VWA8: variants seen among roughly 807,000 people sequenced by gnomAD.
VWA8 encodes the protein von Willebrand factor A domain containing 8, also known as von Willebrand factor A domain-containing protein 8.
In VWA8, 221 loss-of-function variants were observed where a neutral mutation model predicts 241.5. That is an observed-to-expected ratio of 0.91 (90% CI 0.82 to 1.02). The LOEUF is 1.02. Among genes scored for constraint, VWA8 ranks in the 50% least tolerant of loss-of-function variants. The pLI, the probability that VWA8 is intolerant of heterozygous loss-of-function variation, is 0.00. For missense variants in VWA8, 2,322 were observed against 2,328.7 expected (o/e 1.00, Z 0.06); for synonymous variants, 852 against 827.1 (o/e 1.03, Z -0.52).
chr13:41,645,068 T>C (rs1030643226), intron 37 of VWA8, among the ~76,000 whole-genome samples: 1 of 152,208 alleles, frequency 6.6e-6, no homozygotes, highest in East Asian at 1.9e-4. Context: ...AACTCTGTCT[T>C]TGACACTTAT....
intron 37 of VWA8, among the ~76,000 whole-genome samples, chr13:41,659,556 G>T (rs915038565): frequency 2.6e-5 from 4 of 152,178 alleles, no homozygotes; most frequent in Admixed American, 6.5e-5. Context: ...AGTGAAAACA[G>T]TGTTCACAAC....
At chr13:41,662,839 T>C (rs1466818961) in intron 37 of VWA8, among the ~76,000 whole-genome samples, 1 of 152,164 alleles carries the variant, frequency 6.6e-6, no homozygotes, top group Non-Finnish European at 1.5e-5. Flanking sequence ...CAGTCTCTTA[T>C]CATTAAAATA....
Position 41,891,447 on chromosome 13 carries a change from A to C in VWA8, c.624T>G (p.Ser208=). ...GGAGAAGTTTGTCGTAACGCTCAGC[A>C]GACATCAGGAAGCGTCCATCTTCAA... ...MQLEDGRFLM[S]AERYDKLLRD... The change falls in exon 5 of 45, where the codon TCT becomes TCG. Residue 208 remains serine, a synonymous_variant. Coordinates refer to ENST00000379310, the MANE Select transcript of VWA8 (RefSeq NM_015058.2). 6.2e-7 allele frequency: 1 copy of C among 1,614,232 alleles called. No individual in the cohort carries two copies. Among genetic ancestry groups the C allele is most frequent in the Non-Finnish European group, 8.5e-7 (1 of 1,180,022 alleles).
At chr13:41,880,427 C>T (rs1874115463) in intron 9 of VWA8, among the ~76,000 whole-genome samples, 1 of 152,194 alleles carries the variant, frequency 6.6e-6, no homozygotes, top group Non-Finnish European at 1.5e-5. Context: ...ATAATCACCA[C>T]ATAAGCCTCC....
At chr13:41,957,444 T>C (rs974540311) in intron 1 of VWA8, among the ~76,000 whole-genome samples, 1 of 152,086 alleles carries the variant, frequency 6.6e-6, no homozygotes, top group Admixed American at 6.5e-5. Flanking sequence ...CATGTCCTTA[T>C]AGCAGTGTGA....
At chr13:41,955,730 T>A (rs1176927268) in intron 1 of VWA8, 1 of 152,202 alleles carries the variant, frequency 6.6e-6, no homozygotes, top group Non-Finnish European at 1.5e-5. Flanking sequence ...GGAGTCCTTA[T>A]GTAATGAATT....
At chr13:41,914,553 T>C (rs951670692) in intron 2 of VWA8, among the ~76,000 whole-genome samples, 3 of 152,222 alleles carry the variant, frequency 2.0e-5, no homozygotes, top group Non-Finnish European at 4.4e-5. Flanking sequence ...AAATAAGAGT[T>C]AAGACACCTT....
At chr13:41,813,028 G>A (rs1870538594) in intron 16 of VWA8, among the ~76,000 whole-genome samples, 1 of 152,138 alleles carries the variant, frequency 6.6e-6, no homozygotes, top group Non-Finnish European at 1.5e-5. Context: ...ACCACAAGTA[G>A]AACATGAGGA....
At chr13:41,898,087 T>C (rs1244685878) in intron 4 of VWA8, among the ~76,000 whole-genome samples, 51 of 144,758 alleles carry the variant, frequency 3.5e-4, no homozygotes, top group Middle Eastern at 4.0e-3. Flanking sequence ...GATTGGTGCA[T>C]TCACAAACCC....
chr13:41,573,216 T>C (rs1455492257), intron 43 of VWA8, among the ~76,000 whole-genome samples: 1 of 151,126 alleles, frequency 6.6e-6, no homozygotes, highest in Non-Finnish European at 1.5e-5. Flanking sequence ...AAGACCAGCC[T>C]GGCCAACATA....
intron 37 of VWA8, among the ~76,000 whole-genome samples, chr13:41,632,003 C>A (rs374858342): frequency 1.1e-3 from 165 of 152,232 alleles, no homozygotes; most frequent in African/African-American, 3.7e-3. Flanking sequence ...TCTATTTTTG[C>A]CTCTTTTAAG....
chr13:41,590,513 T>C (rs1566378842), intron 41 of VWA8, 127 bp downstream of exon 41: 5 of 958,372 alleles, frequency 5.2e-6, no homozygotes, highest in Non-Finnish European at 5.8e-6. Flanking sequence ...TTTTTTTTTT[T>C]AACATAATGC....
intron 37 of VWA8, among the ~76,000 whole-genome samples, chr13:41,666,224 G>A (rs1273073379): frequency 6.6e-6 from 1 of 152,214 alleles, no homozygotes; most frequent in Non-Finnish European, 1.5e-5. Context: ...TCTTACTTCA[G>A]GGCAGATTTT....
chr13:41,868,265 G>A (rs1057012753), intron 10 of VWA8, 81 bp downstream of exon 10: 2 of 1,501,292 alleles, frequency 1.3e-6, no homozygotes, highest in Non-Finnish European at 9.2e-7. Flanking sequence ...AGACTTACAA[G>A]GAGATCATAA....
At position 41,692,914 on chromosome 13, in the gene VWA8, G is replaced by A; in HGVS notation, c.3623C>T (p.Pro1208Leu). ...TTTCTTAGATGTAAACTTCTCGGAA[G>A]GGAGGATGAGACGATGAAGGGCCCG... is the stretch of plus-strand genomic sequence containing the variant. The part of the protein sequence containing the change: ...TGRALHRLIL[P>L]SEKFTSKKPF... The change falls in exon 30 of 45, where the codon CCT becomes CTT. Residue 1208 changes from proline (P) to leucine (L), a missense_variant. Coordinates refer to ENST00000379310, the MANE Select transcript of VWA8 (RefSeq NM_015058.2). 3 of 1,611,674 alleles carry A rather than the reference G, an allele frequency of 1.9e-6. No homozygotes were observed. Among genetic ancestry groups the A allele is most frequent in the Non-Finnish European group, 2.5e-6 (3 of 1,178,452 alleles).
rs754590759 is a variant in VWA8 at position 41,891,421 on chromosome 13, C to T, written c.650G>A (p.Arg217Gln). ...AGCAACAGGATTTTCTTTTCTTACT[C>T]GGAGAAGTTTGTCGTAACGCTCAGC... The part of the protein sequence containing the change: ...MSAERYDKLL[R>Q]DHTKKELDSW... Residue 217 changes from arginine to glutamine, a missense_variant and splice_region_variant, in exon 5 of 45, where the codon CGA becomes CAA. Physicochemically the swap from Arg to Gln is conservative, Grantham distance 43. Transcript: ENST00000379310. 12 of 1,614,018 alleles carry T rather than the reference C, an allele frequency of 7.4e-6. No homozygotes were observed. Among genetic ancestry groups the T allele is most frequent in the Non-Finnish European group, 1.0e-5 (12 of 1,179,956 alleles).
chr13:41,596,269 T>G (rs2044487517), intron 40 of VWA8, among the ~76,000 whole-genome samples: 1 of 152,100 alleles, frequency 6.6e-6, no homozygotes. Flanking sequence ...TCTGATTTTC[T>G]ATCCTCTAGC....
At chr13:41,625,499 C>T (rs181524135) in intron 37 of VWA8, among the ~76,000 whole-genome samples, 143 of 152,276 alleles carry the variant, frequency 9.4e-4, no homozygotes, top group African/African-American at 2.8e-3. Flanking sequence ...CATCACTGGC[C>T]GTCAGAGAAA....
chr13:41,825,903 A>G (rs537216072), intron 14 of VWA8, among the ~76,000 whole-genome samples: 1 of 152,218 alleles, frequency 6.6e-6, no homozygotes, highest in South Asian at 2.1e-4. Flanking sequence ...CATATTACTT[A>G]TAAGAACAAC....
Sources: allele counts gnomAD v4.1 joint callset (sites outside exome capture counted in the v4.1 genomes callset), GRCh38; gene constraint gnomAD v4.1.1; transcripts MANE v1.5; gene names NCBI Gene and HGNC (gene_info 2026-07-23, HGNC 2026-07-21).